The following USP47 variants were observed in gnomAD, a reference collection of about 807,000 sequenced individuals.
The protein encoded by USP47 is ubiquitin specific peptidase 47.
USP47 carries 35 observed loss-of-function variants against 165.1 expected under a neutral mutation model. The ratio of observed to expected loss-of-function variants is 0.21; its 90% CI spans 0.16 to 0.28. The LOEUF (loss-of-function observed/expected upper bound fraction) is 0.28. Among genes scored for constraint, USP47 ranks in the 10% least tolerant of loss-of-function variants. The pLI, the probability that USP47 is intolerant of heterozygous loss-of-function variation, is 1.00. For synonymous variants in USP47, 531 were observed against 544.5 expected, an observed-to-expected ratio of 0.98 and a Z score of 0.35; for missense variants, 1,277 against 1,607.4, an observed-to-expected ratio of 0.79 and a Z score of 3.52.
intron 3 of USP47, among the ~76,000 whole-genome samples, chr11:11,885,246 T>A (rs75335462): frequency 0.019 from 2,845 of 152,124 alleles, 66 homozygotes; most frequent in African/African-American, 0.055. Flanking sequence ...GGGGCCAAGA[T>A]GGCCGATTAG....
At chr11:11,882,290 C>A (rs1850882293) in intron 2 of USP47, among the ~76,000 whole-genome samples, 1 of 152,062 alleles carries the variant, frequency 6.6e-6, no homozygotes, top group Admixed American at 6.6e-5. Flanking sequence ...CAGAAAAATA[C>A]CTCTAACAGT....
chr11:11,947,660 A>G (rs957322487), intron 20 of USP47, among the ~76,000 whole-genome samples: 1 of 151,386 alleles, frequency 6.6e-6, no homozygotes, highest in Non-Finnish European at 1.5e-5. Context: ...AGAAGTGTAT[A>G]TATTTTAAAA....
At chr11:11,903,177 A>G in intron 6 of USP47, 86 bp from the exon 7 acceptor site, 1 of 1,321,424 alleles carries the variant, frequency 7.6e-7, no homozygotes, top group Non-Finnish European at 1.0e-6. Context: ...AGACTTCAAT[A>G]TTTCTGTCTA....
intron 17 of USP47, among the ~76,000 whole-genome samples, chr11:11,937,573 CTT>C (rs554663366): frequency 2.8e-4 from 38 of 133,604 alleles, no homozygotes; most frequent in Non-Finnish European, 3.8e-4. Flanking sequence ...CATTTCCTTG[CTT>C]TTTTTTTTTT....
rs145225366 is a variant in USP47, at chr11:11,889,586, C to T, written c.358-2382C>T. The stretch of plus-strand genomic sequence containing the variant: ...CAAACAAATGGGAAAACATTCCATG[C>T]TTATGGATAGGAAGAATCAATATCT... On this transcript the variant is annotated intron_variant, in intron 3 of 27. Transcript: ENST00000527733. Among the ~76,000 whole-genome samples, 238 of 152,286 alleles carry T rather than the reference C, an allele frequency of 1.6e-3. 2 individuals are homozygous for T. Among genetic ancestry groups the T allele is most frequent in the African/African-American group, 5.1e-3 (213 of 41,556 alleles).
At chr11:11,859,138 C>A (rs980494044) in intron 1 of USP47, among the ~76,000 whole-genome samples, 3 of 152,098 alleles carry the variant, frequency 2.0e-5, no homozygotes, top group Non-Finnish European at 4.4e-5. Context: ...AGCATCTTTT[C>A]ATGTACTTAA....
chr11:11,931,982 A>G (rs907365329), intron 14 of USP47, among the ~76,000 whole-genome samples: 1 of 152,194 alleles, frequency 6.6e-6, no homozygotes, highest in Admixed American at 6.5e-5. Context: ...CTGTCCTCGC[A>G]TTGCTATAAA....
At chr11:11,908,899 G>A (rs1852767139) in intron 8 of USP47, among the ~76,000 whole-genome samples, 5 of 152,102 alleles carry the variant, frequency 3.3e-5, no homozygotes, top group Admixed American at 2.6e-4. Flanking sequence ...TGGGGAAGGT[G>A]TCCTTGATTA....
At chr11:11,952,908 G>A in intron 25 of USP47, 37 bp downstream of exon 25, 1 of 1,409,822 alleles carries the variant, frequency 7.1e-7, no homozygotes, top group Non-Finnish European at 9.3e-7. Flanking sequence ...ATCTTATGTT[G>A]TATATGTATA....
At chr11:11,855,327 T>G (rs1408535802) in intron 1 of USP47, among the ~76,000 whole-genome samples, 1 of 152,218 alleles carries the variant, frequency 6.6e-6, no homozygotes, top group Admixed American at 6.5e-5. Flanking sequence ...TTGATGTGTT[T>G]GATAATTTTG....
At chr11:11,947,037 G>A (rs932760926) in intron 20 of USP47, among the ~76,000 whole-genome samples, 1 of 152,178 alleles carries the variant, frequency 6.6e-6, no homozygotes, top group African/African-American at 2.4e-5. Context: ...ACCTAACATG[G>A]AGGGAGCCTT....
intron 3 of USP47, among the ~76,000 whole-genome samples, chr11:11,891,159 A>G (rs1312525279): frequency 2.0e-5 from 3 of 152,256 alleles, no homozygotes; most frequent in Non-Finnish European, 2.9e-5. Flanking sequence ...AGTTGAAAAA[A>G]TAATAATTTA....
chr11:11,847,094 A>G (rs2134117040), intron 1 of USP47, among the ~76,000 whole-genome samples: 1 of 152,270 alleles, frequency 6.6e-6, no homozygotes, highest in Non-Finnish European at 1.5e-5. Context: ...AAAATGAACA[A>G]TTTAGGGTTA....
intron 1 of USP47, among the ~76,000 whole-genome samples, chr11:11,861,822 A>G (rs1489730553): frequency 6.6e-6 from 1 of 152,166 alleles, no homozygotes; most frequent in East Asian, 1.9e-4. Flanking sequence ...TTTTTATAGT[A>G]TATAATTTAG....
chr11:11,949,824 A>C, intron 22 of USP47, 65 bp from the exon 23 acceptor site: 3 of 1,044,210 alleles, frequency 2.9e-6, no homozygotes, highest in Non-Finnish European at 4.2e-6. Flanking sequence ...TTTTATTTTA[A>C]TGTGTTAATA....
chr11:11,885,774 A>G, intron 3 of USP47, among the ~76,000 whole-genome samples: 1 of 152,208 alleles, frequency 6.6e-6, no homozygotes. Flanking sequence ...CTCACAAGCT[A>G]AGACCCACTG....
At chr11:11,886,548 AGAATGAAAAG>A (rs1851175715) in intron 3 of USP47, among the ~76,000 whole-genome samples, 1 of 152,212 alleles carries the variant, frequency 6.6e-6, no homozygotes, top group Non-Finnish European at 1.5e-5. Context: ...TAGAGAAAAA[AGAATGAAAAG>A]GAATGAACAA....
chr11:11,957,968 T>G lies in USP47; in HGVS notation c.*1793T>G, dbSNP rs1466163972. 6.6e-6 allele frequency: 1 copy of G among 152,272 alleles called. No individual in the cohort carries two copies. The highest frequency in any genetic ancestry group is 2.4e-5 in the African/African-American group (1 of 41,482). 9.4% of individuals were successfully genotyped at this position (152,272 alleles called of 1,614,324 possible). On this transcript the variant is annotated 3_prime_UTR_variant, in exon 28 of 28. Transcript: ENST00000527733. ...TTTGCATTAGTGGGATTGGTGATGT[T>G]CTCAGAAGAAAATTGGAAACACTTG...
chr11:11,940,635 G>A, intron 19 of USP47, 87 bp downstream of exon 19: 1 of 1,383,196 alleles, frequency 7.2e-7, no homozygotes, highest in Non-Finnish European at 1.0e-6. Context: ...GGCCTCCACA[G>A]CTGTTCAACA....
Sources: allele counts gnomAD v4.1 joint callset (sites outside exome capture counted in the v4.1 genomes callset), GRCh38; gene constraint gnomAD v4.1.1; transcripts MANE v1.5; gene names NCBI Gene and HGNC (gene_info 2026-07-23, HGNC 2026-07-21).